Variants in PCCA observed in about 807,000 individuals in gnomAD.
PCCA encodes propionyl-CoA carboxylase alpha chain, mitochondrial.
PCCA carries 74 observed loss-of-function variants against 101.3 expected under a neutral mutation model. That is an observed-to-expected ratio of 0.73 (90% CI 0.61 to 0.89). The LOEUF is 0.89. Ranked by LOEUF, PCCA falls within the 40% of genes least tolerant of loss-of-function variation. The probability of loss-of-function intolerance (pLI) is 0.00; values close to 1 mark genes in which losing one functional copy is unlikely to be tolerated. For synonymous variants in PCCA, 294 were observed against 313.6 expected (o/e 0.94, Z 0.66); for missense variants, 891 against 907.0 (o/e 0.98, Z 0.23).
chr13:100,142,259 C>A (rs975189885), intron 4 of PCCA, among the ~76,000 whole-genome samples: 6 of 152,122 alleles, frequency 3.9e-5, no homozygotes, highest in African/African-American at 1.4e-4. Context: ...CTTTCCTAAG[C>A]CAGCCAGATG....
At chr13:100,418,022 G>T (rs2078494488) in intron 19 of PCCA, among the ~76,000 whole-genome samples, 1 of 152,110 alleles carries the variant, frequency 6.6e-6, no homozygotes, top group Admixed American at 6.6e-5. Context: ...GTGAAGACCA[G>T]CAGCCAGTTC....
At chr13:100,217,791 GT>G (rs2059601278) in intron 7 of PCCA, among the ~76,000 whole-genome samples, 1 of 138,746 alleles carries the variant, frequency 7.2e-6, no homozygotes, top group African/African-American at 2.8e-5. Context: ...GGGGGCGGAG[GT>G]TTTTTGTGTG....
rs139880596 is a variant in PCCA at position 100,323,390 on chromosome 13, C to A, written c.1430-7171C>A. Among the ~76,000 whole-genome samples, 1,331 of 151,678 alleles carry A rather than the reference C, an allele frequency of 8.8e-3. 17 individuals carry two copies. The highest frequency in any genetic ancestry group is 0.03 in the African/African-American group (1,245 of 41,288). ...AGGCTGGAGTACAATGGTGCGGTCTCGGCTCACTACAACCTTCACCTCCCG... is the reference window on the plus strand; with the variant it reads ...AGGCTGGAGTACAATGGTGCGGTCTAGGCTCACTACAACCTTCACCTCCCG... On this transcript the variant is annotated intron_variant, in intron 16 of 23. Transcript: ENST00000376285.
chr13:100,286,070 C>T (rs1263896072), intron 12 of PCCA, among the ~76,000 whole-genome samples: 1 of 152,094 alleles, frequency 6.6e-6, no homozygotes, highest in African/African-American at 2.4e-5. Context: ...ATGTGCATAC[C>T]CCTCTGCATG....
intron 16 of PCCA, among the ~76,000 whole-genome samples, chr13:100,314,056 G>A (rs1432420398): frequency 6.6e-6 from 1 of 151,832 alleles, no homozygotes; most frequent in African/African-American, 2.4e-5. Flanking sequence ...GAGAGTCCAC[G>A]GTAGTTGATT....
At chr13:100,528,839 C>T (rs766296309) in intron 23 of PCCA, among the ~76,000 whole-genome samples, 4 of 152,216 alleles carry the variant, frequency 2.6e-5, no homozygotes, top group Non-Finnish European at 5.9e-5. Context: ...TGGGATTTAA[C>T]ATTTGTGCTG....
intron 19 of PCCA, among the ~76,000 whole-genome samples, chr13:100,400,647 T>TTTTTTTTA (rs2077298980): frequency 6.9e-6 from 1 of 145,344 alleles, no homozygotes; most frequent in Non-Finnish European, 1.5e-5. Flanking sequence ...TTTTTTTTTT[T>TTTTTTTTA]GAGAGTTTTG....
chr13:100,401,388 C>T lies in PCCA; in HGVS notation c.1747-24245C>T, dbSNP rs368162414. 7.7e-4 allele frequency among the ~76,000 whole-genome samples: 117 copies of T among 151,968 alleles called. 1 individual carries two copies. Among genetic ancestry groups the T allele is most frequent in the African/African-American group, 2.5e-3 (105 of 41,432 alleles). The stretch of plus-strand genomic sequence containing the variant: ...CCTCCCGAGTAGCTGGGACTACAGG[C>T]GTGCACCACCATGCCTGGCTAATTT... On this transcript the variant is annotated intron_variant, in intron 19 of 23. Coordinates refer to ENST00000376285, the MANE Select transcript of PCCA (RefSeq NM_000282.4).
At chr13:100,187,206 A>G (rs1467496931) in intron 6 of PCCA, among the ~76,000 whole-genome samples, 1 of 152,192 alleles carries the variant, frequency 6.6e-6, no homozygotes, top group Non-Finnish European at 1.5e-5. Context: ...ATAGATTTAT[A>G]CCTGTTGATT....
chr13:100,203,071 T>A (rs1277644891), intron 6 of PCCA, among the ~76,000 whole-genome samples: 3 of 151,882 alleles, frequency 2.0e-5, no homozygotes, highest in Non-Finnish European at 4.4e-5. Context: ...AGGAGTTCGA[T>A]ACCAGCTTGG....
intron 18 of PCCA, among the ~76,000 whole-genome samples, chr13:100,357,481 G>A (rs1002320620): frequency 4.6e-5 from 7 of 152,148 alleles, no homozygotes; most frequent in African/African-American, 7.2e-5. Flanking sequence ...GTGAACCCGC[G>A]TTCTTCCATC....
At chr13:100,106,094 T>C (rs942765759) in intron 2 of PCCA, among the ~76,000 whole-genome samples, 3 of 152,160 alleles carry the variant, frequency 2.0e-5, no homozygotes, top group Non-Finnish European at 4.4e-5. Flanking sequence ...TGGTGGATTC[T>C]TGATGGCTTA....
intron 4 of PCCA, among the ~76,000 whole-genome samples, chr13:100,133,601 A>G (rs937386080): frequency 2.0e-5 from 3 of 152,132 alleles, no homozygotes; most frequent in Non-Finnish European, 4.4e-5. Flanking sequence ...TTTTTTGCAT[A>G]TAGATGTTGA....
At chr13:100,222,264 A>G (rs2059866857) in intron 7 of PCCA, among the ~76,000 whole-genome samples, 1 of 152,004 alleles carries the variant, frequency 6.6e-6, no homozygotes, top group Admixed American at 6.6e-5. Context: ...TTTAGTAGAG[A>G]TGAGGTTTCA....
intron 8 of PCCA, among the ~76,000 whole-genome samples, chr13:100,248,826 A>G (rs1020015598): frequency 2.0e-5 from 3 of 151,908 alleles, no homozygotes; most frequent in African/African-American, 7.3e-5. Flanking sequence ...GGCTCACTGC[A>G]ACCTCCGCCT....
At position 100,090,687 on chromosome 13, in the gene PCCA, G is replaced by C. The variant is rs567767271; in HGVS notation, c.105+1462G>C. On this transcript the variant is annotated intron_variant, in intron 1 of 23. Coordinates refer to ENST00000376285, the MANE Select transcript of PCCA (RefSeq NM_000282.4). ...CCGGGTGCTATAAGAAAATAAAATA[G>C]AGGGATTTGACCAAGCCAAGATTTT... Among the ~76,000 whole-genome samples the C allele has an allele frequency of 3.9e-5, 6 of 152,276 alleles. No individual in the cohort carries two copies. In the East Asian group the frequency reaches 7.7e-4, roughly 20 times the overall value.
At chr13:100,443,708 A>G (rs1177749788) in intron 20 of PCCA, among the ~76,000 whole-genome samples, 1 of 151,600 alleles carries the variant, frequency 6.6e-6, no homozygotes, top group African/African-American at 2.4e-5. Flanking sequence ...GCAGAGTTGC[A>G]GGTAGCCAAA....
chr13:100,507,340 T>G (rs1025812028), intron 21 of PCCA, among the ~76,000 whole-genome samples: 1 of 152,164 alleles, frequency 6.6e-6, no homozygotes, highest in African/African-American at 2.4e-5. Context: ...TGGGCCCCCT[T>G]TATCATGGGC....
At chr13:100,119,932 C>T (rs1165129769) in intron 4 of PCCA, among the ~76,000 whole-genome samples, 2 of 151,902 alleles carry the variant, frequency 1.3e-5, no homozygotes, top group African/African-American at 2.4e-5. Context: ...AATGCAATGG[C>T]GCAATCTCAG....
Sources: allele counts gnomAD v4.1 joint callset (sites outside exome capture counted in the v4.1 genomes callset), GRCh38; gene constraint gnomAD v4.1.1; transcripts MANE v1.5; gene names NCBI Gene and HGNC (gene_info 2026-07-23, HGNC 2026-07-21).